ARHGEF18: variants seen among roughly 807,000 people sequenced by gnomAD.
ARHGEF18 encodes rho guanine nucleotide exchange factor 18.
ARHGEF18 carries 93 observed loss-of-function variants against 155.7 expected under a neutral mutation model. That is an observed-to-expected ratio of 0.60 (90% confidence interval 0.50 to 0.71). The LOEUF is 0.71. ARHGEF18 is among the 30% of genes least tolerant of loss of function. The pLI is 0.00. For missense variants in ARHGEF18, 1,593 were observed against 1,816.1 expected, an observed-to-expected ratio of 0.88 and a Z score of 2.23; for synonymous variants, 742 against 753.1, an observed-to-expected ratio of 0.99 and a Z score of 0.24.
intron 10 of ARHGEF18, among the ~76,000 whole-genome samples, chr19:7,409,829 G>C (rs1600337072): frequency 7.1e-6 from 1 of 140,664 alleles, no homozygotes; most frequent in Admixed American, 7.4e-5. Context: ...GAGTGCAGTG[G>C]TGCAACCTCA....
rs114378028 is a variant in ARHGEF18, at chr19:7,395,018, G to A, written c.967+11815G>A. On this transcript the variant is annotated intron_variant, in intron 10 of 28. Transcript: ENST00000668164. The surrounding 1 kb of genome is among the most constrained non-coding windows in gnomAD (Gnocchi z 5.0). Reference sequence around the variant, plus strand: ...CACGGCTCGGGGAGCAGCAGCCCCAGGTCCCCGGGAGCGCCCCGCCCTCGA... The same window carrying A: ...CACGGCTCGGGGAGCAGCAGCCCCAAGTCCCCGGGAGCGCCCCGCCCTCGA... 5.4e-3 allele frequency: 5,313 copies of A among 982,002 alleles called. 198 individuals are homozygous for A. The African/African-American group carries it at 0.079, about 15-fold the overall frequency. The allele number at this position is 982,002 out of a possible 1,614,324, so 60.8% of individuals were successfully genotyped here. A position where few individuals can be genotyped will look rare whatever the true frequency, so the allele number is the denominator to read the frequency against.
intron 16 of ARHGEF18, among the ~76,000 whole-genome samples, chr19:7,452,181 G>T (rs1479003092): frequency 6.6e-6 from 1 of 152,224 alleles, no homozygotes; most frequent in Non-Finnish European, 1.5e-5. Context: ...TGAATGGATG[G>T]AGACGGTGCC....
At chr19:7,433,237 C>T (rs1270083718) in intron 10 of ARHGEF18, among the ~76,000 whole-genome samples, 4 of 151,554 alleles carry the variant, frequency 2.6e-5, no homozygotes, top group African/African-American at 4.8e-5. Context: ...GAGGCCAAGG[C>T]GGGTGGATCA....
intron 10 of ARHGEF18, among the ~76,000 whole-genome samples, chr19:7,393,673 G>A (rs191878941): frequency 6.6e-6 from 1 of 152,012 alleles, no homozygotes; most frequent in African/African-American, 2.4e-5. Flanking sequence ...CTGGTGCTGG[G>A]GGAAGCATCT....
intron 10 of ARHGEF18, among the ~76,000 whole-genome samples, chr19:7,416,918 G>A (rs1225912356): frequency 1.3e-5 from 2 of 151,004 alleles, no homozygotes; most frequent in Non-Finnish European, 3.0e-5. Flanking sequence ...TGTTGTTGTT[G>A]TTGTTTTTTG....
intron 10 of ARHGEF18, among the ~76,000 whole-genome samples, chr19:7,389,682 T>C (rs1971288687): frequency 6.6e-6 from 1 of 151,870 alleles, no homozygotes; most frequent in Admixed American, 6.6e-5. Context: ...TACAGGCGTA[T>C]GCCACCATGC....
At position 7,395,920 on chromosome 19, in the gene ARHGEF18, G is replaced by A. The variant is rs559233935; in HGVS notation, c.967+12717G>A. On this transcript the variant is annotated intron_variant, in intron 10 of 28. Coordinates refer to ENST00000668164, the MANE Select transcript of ARHGEF18 (RefSeq NM_001367823.1). The surrounding 1 kb of genome is among the most constrained non-coding windows in gnomAD (Gnocchi z 5.0). The stretch of plus-strand genomic sequence containing the variant: ...CCTGGATATATTGCGTGATGCTGAG[G>A]TTTGGGGTGTGACTGATCTCGTCAC... 4.6e-5 allele frequency among the ~76,000 whole-genome samples: 7 copies of A among 152,150 alleles called. No homozygotes were observed. The South Asian group carries it at 1.5e-3, about 32-fold the overall frequency.
intron 10 of ARHGEF18, among the ~76,000 whole-genome samples, chr19:7,384,678 G>C (rs1970904650): frequency 6.8e-6 from 1 of 147,922 alleles, no homozygotes; most frequent in Non-Finnish European, 1.5e-5. Context: ...AGGCTGGCAT[G>C]AGCTTTTTGC....
At chr19:7,399,970 A>G (rs1368886165) in intron 10 of ARHGEF18, among the ~76,000 whole-genome samples, 1 of 152,020 alleles carries the variant, frequency 6.6e-6, no homozygotes, top group Non-Finnish European at 1.5e-5. Context: ...TGTTAGAGAT[A>G]GGGTTGCCCA....
the ARHGEF18 span, among the ~76,000 whole-genome samples, chr19:7,478,794 T>C: frequency 6.6e-6 from 1 of 152,188 alleles, no homozygotes; most frequent in Non-Finnish European, 1.5e-5. Context: ...CTGCTCTGTG[T>C]GGAAAGGTCC....
At chr19:7,451,428 A>C (rs1019218972) in intron 16 of ARHGEF18, among the ~76,000 whole-genome samples, 162 bp downstream of exon 16, 1 of 135,980 alleles carries the variant, frequency 7.4e-6, no homozygotes. Context: ...TTTTTTTAAG[A>C]GACAGAGTCT....
chr19:7,458,718 C>T (rs765290655), intron 19 of ARHGEF18, 28 bp downstream of exon 19: 1 of 1,586,462 alleles, frequency 6.3e-7, no homozygotes, highest in African/African-American at 1.3e-5. Flanking sequence ...GTCTCCCCAC[C>T]CACTGTGTTC....
intron 13 of ARHGEF18, among the ~76,000 whole-genome samples, chr19:7,443,111 G>A (rs1974773343): frequency 7.0e-6 from 1 of 143,244 alleles, no homozygotes; most frequent in South Asian, 2.2e-4. Flanking sequence ...CGCCCAGGCT[G>A]GAGTGCAGTG....
rs1440326919 is a variant in ARHGEF18 at position 7,462,795 on chromosome 19, C to T, written c.2635+461C>T. On this transcript the variant is annotated intron_variant, in intron 21 of 28. Transcript: ENST00000668164. The surrounding 1 kb of genome is among the most constrained non-coding windows in gnomAD (Gnocchi z 4.4). Reference sequence around the variant, plus strand: ...CAGGCCCCTGGGCTGGCCGCTTGAGCAGGCAGTCAGCGCCCAGTCTGCTCT... The same window carrying T: ...CAGGCCCCTGGGCTGGCCGCTTGAGTAGGCAGTCAGCGCCCAGTCTGCTCT... Among the ~76,000 whole-genome samples the T allele has an allele frequency of 6.6e-6, 1 of 151,782 alleles. No homozygotes were observed. Among genetic ancestry groups the T allele is most frequent in the African/African-American group, 2.4e-5 (1 of 41,314 alleles).
In ARHGEF18 at chr19:7,467,373, G is replaced by T; in HGVS notation, c.3169G>T (p.Glu1057Ter). The T allele has an allele frequency of 6.5e-7, 1 of 1,533,990 alleles. No homozygotes were observed. The highest frequency in any genetic ancestry group is 8.7e-7 in the Non-Finnish European group (1 of 1,145,758). ...EKQREERAAL[E>*]KLQSQLRHEQ... is the part of the protein sequence containing the mutation. ...GCAGCGGGAGGAGCGCGCGGCCCTG[G>T]AGAAGCTGCAGAGCCAGCTGCGGCA... Residue 1057 changes from glutamate (E) to a stop codon, truncating the protein, a stop_gained, in exon 26 of 29, where the codon GAG becomes TAG. Coordinates refer to ENST00000668164, the MANE Select transcript of ARHGEF18 (RefSeq NM_001367823.1). LOFTEE classifies it high-confidence loss of function.
At position 7,380,801 on chromosome 19, in the gene ARHGEF18, G is replaced by T. The variant is rs773830160; in HGVS notation, c.645-116G>T. 4.6e-4 allele frequency: 246 copies of T among 531,956 alleles called. 1 individual carries two copies. The highest frequency in any genetic ancestry group is 3.9e-4 in the Non-Finnish European group (137 of 348,482). The allele number at this position is 531,956 out of a possible 1,614,324, so 33.0% of individuals were successfully genotyped here. A position where few individuals can be genotyped will look rare whatever the true frequency, so the allele number is the denominator to read the frequency against. ...CTCATATACAAGCCCAGAGTGTCAA[G>T]GACAGGTGGGCTCTTAGACGGGGTA... is the stretch of plus-strand genomic sequence containing the variant. On this transcript the variant is annotated intron_variant, in intron 7 of 28. Coordinates refer to ENST00000668164, the MANE Select transcript of ARHGEF18 (RefSeq NM_001367823.1).
chr19:7,397,088 C>A (rs1391120427), intron 10 of ARHGEF18, among the ~76,000 whole-genome samples: 1 of 131,342 alleles, frequency 7.6e-6, no homozygotes, highest in Admixed American at 7.7e-5. Context: ...GGTCAGCAAG[C>A]CTTTTTGCGA....
intron 1 of ARHGEF18, among the ~76,000 whole-genome samples, chr19:7,355,166 A>G (rs1969256217): frequency 1.3e-5 from 2 of 151,838 alleles, no homozygotes; most frequent in South Asian, 4.2e-4. Flanking sequence ...ATACACCCCC[A>G]CATTGACAAG....
chr19:7,352,476 A>G (rs1969181511), intron 1 of ARHGEF18, among the ~76,000 whole-genome samples: 1 of 145,198 alleles, frequency 6.9e-6, no homozygotes, highest in African/African-American at 2.6e-5. Context: ...CAAATCAACA[A>G]CTTGTTTGTG....
Sources: gnomAD v4.1 joint callset for allele counts (sites outside exome capture counted in the v4.1 genomes callset) on GRCh38, gnomAD v4.1.1 for gene constraint, Gnocchi (gnomAD v3.1) non-coding constraint, MANE v1.5 for transcripts, NCBI Gene and HGNC (gene_info 2026-07-23, HGNC 2026-07-21) for gene names.